The following INTS9 variants were observed in gnomAD, a reference collection of about 807,000 sequenced individuals.
The protein encoded by INTS9 is integrator complex subunit 9.
In INTS9, 55 loss-of-function variants were observed where a neutral mutation model predicts 79.7. The observed-to-expected ratio is 0.69, with a 90% CI of 0.56 to 0.86. The LOEUF (loss-of-function observed/expected upper bound fraction) is 0.86. INTS9 is among the 40% of genes least tolerant of loss of function. The pLI, the probability that INTS9 is intolerant of heterozygous loss-of-function variation, is 0.00. For missense variants in INTS9, 721 were observed against 831.5 expected (o/e 0.87, Z 1.64); for synonymous variants, 319 against 325.2 (o/e 0.98, Z 0.20).
intron 6 of INTS9, among the ~76,000 whole-genome samples, chr8:28,816,518 G>A (rs1805493076): frequency 1.3e-5 from 2 of 150,140 alleles, no homozygotes; most frequent in Admixed American, 1.3e-4. Context: ...ATTCCATGGT[G>A]TATATGTGCC....
At chr8:28,863,341 T>C (rs1808557619) in intron 1 of INTS9, among the ~76,000 whole-genome samples, 1 of 152,202 alleles carries the variant, frequency 6.6e-6, no homozygotes, top group East Asian at 1.9e-4. Flanking sequence ...GCTACAAGTT[T>C]TTCTGTGATC....
chr8:28,843,834 C>T (rs145507261), intron 4 of INTS9, among the ~76,000 whole-genome samples: 64 of 151,840 alleles, frequency 4.2e-4, no homozygotes, highest in Middle Eastern at 3.4e-3. Flanking sequence ...TTTCAATCTA[C>T]ATATCAGGCA....
intron 12 of INTS9, 125 bp from the exon 13 acceptor site, chr8:28,778,078 C>G (rs943274150): frequency 9.4e-7 from 1 of 1,064,558 alleles, no homozygotes; most frequent in Non-Finnish European, 1.3e-6. Flanking sequence ...AGGAAGCACA[C>G]GTGGGGGACG....
intron 8 of INTS9, among the ~76,000 whole-genome samples, chr8:28,807,631 A>G (rs1804883178): frequency 6.6e-6 from 1 of 152,228 alleles, no homozygotes; most frequent in South Asian, 2.1e-4. Context: ...GAGAGAAATC[A>G]AAGTTGATCT....
chr8:28,862,140 C>T (rs1031093517), intron 1 of INTS9: 3 of 985,418 alleles, frequency 3.0e-6, no homozygotes, highest in East Asian at 1.1e-4. Context: ...TGGCCTCCAG[C>T]GATGCTCTTT....
intron 11 of INTS9, 27 bp downstream of exon 11, chr8:28,787,802 C>A: frequency 6.4e-7 from 1 of 1,556,780 alleles, no homozygotes; most frequent in Non-Finnish European, 8.9e-7. Context: ...GCTTCCTTCC[C>A]ATGTCCCAGT....
intron 13 of INTS9, among the ~76,000 whole-genome samples, chr8:28,777,301 G>A (rs1802943972): frequency 6.6e-6 from 1 of 152,170 alleles, no homozygotes; most frequent in Non-Finnish European, 1.5e-5. Context: ...GGCTGAGCCA[G>A]CACAGTGGTT....
chr8:28,820,296 GTTCCT>G (rs937020261), intron 6 of INTS9, among the ~76,000 whole-genome samples: 3 of 152,198 alleles, frequency 2.0e-5, no homozygotes, highest in Admixed American at 6.5e-5. Context: ...GGTACCAGTT[GTTCCT>G]TTCCATGTTT....
chr8:28,835,756 G>A lies in INTS9; in HGVS notation c.402-378C>T, dbSNP rs573192070. Among the ~76,000 whole-genome samples the A allele has an allele frequency of 2.9e-3, 440 of 151,800 alleles. 5 individuals carry two copies. The Middle Eastern group carries it at 0.045, about 16-fold the overall frequency. ...AATGACTGTCAGGTATCTAATTTTG[G>A]TGACGTAGTAGGGTGTGGGCAGGAC... On this transcript the variant is annotated intron_variant, in intron 5 of 16. Coordinates refer to ENST00000521022, the MANE Select transcript of INTS9 (RefSeq NM_018250.4).
intron 8 of INTS9, among the ~76,000 whole-genome samples, chr8:28,809,837 G>A (rs763695280): frequency 3.3e-5 from 5 of 152,120 alleles, no homozygotes; most frequent in African/African-American, 9.7e-5. Flanking sequence ...AAATAGCAAC[G>A]TCCCCTCTAG....
At chr8:28,772,606 G>T (rs774057749) in intron 14 of INTS9, among the ~76,000 whole-genome samples, 9 of 152,020 alleles carry the variant, frequency 5.9e-5, no homozygotes, top group Non-Finnish European at 1.0e-4. Flanking sequence ...AGGAGATCAA[G>T]ACCATCCTGG....
intron 6 of INTS9, among the ~76,000 whole-genome samples, chr8:28,826,545 C>T (rs1264333330): frequency 6.6e-6 from 1 of 152,180 alleles, no homozygotes; most frequent in Non-Finnish European, 1.5e-5. Flanking sequence ...CAAGTGACCC[C>T]TACCCACAGG....
rs1162830078 is a variant in INTS9, at chr8:28,817,749, G to A, written c.489-4137C>T. Among the ~76,000 whole-genome samples the A allele has an allele frequency of 1.5e-4, 18 of 118,876 alleles. No individual in the cohort carries two copies. In the East Asian group the frequency reaches 3.9e-3, roughly 26 times the overall value. 78.0% of individuals were successfully genotyped at this position (118,876 alleles called of 152,430 possible). On this transcript the variant is annotated intron_variant, in intron 6 of 16. Coordinates refer to ENST00000521022, the MANE Select transcript of INTS9 (RefSeq NM_018250.4). ...GAATCTATAAATTACCTTGGGCAGT[G>A]TGGCCATTTTAACGATACTGATTCT...
intron 15 of INTS9, among the ~76,000 whole-genome samples, chr8:28,770,766 G>A (rs935716362): frequency 2.0e-5 from 3 of 152,200 alleles, no homozygotes; most frequent in Non-Finnish European, 4.4e-5. Context: ...GCCCTGCCTC[G>A]CGTGGCAGCG....
chr8:28,817,706 C>T (rs988242272), intron 6 of INTS9, among the ~76,000 whole-genome samples: 16 of 148,466 alleles, frequency 1.1e-4, no homozygotes, highest in African/African-American at 3.8e-4. Context: ...TCATTGGTAG[C>T]TTGATGGGGA....
At chr8:28,784,217 A>G (rs2130911913) in intron 11 of INTS9, among the ~76,000 whole-genome samples, 1 of 152,306 alleles carries the variant, frequency 6.6e-6, no homozygotes, top group South Asian at 2.1e-4. Context: ...ACCACAGTCT[A>G]CTCACATTCC....
chr8:28,856,096 T>C (rs1193935813), intron 2 of INTS9, among the ~76,000 whole-genome samples: 1 of 152,124 alleles, frequency 6.6e-6, no homozygotes, highest in Non-Finnish European at 1.5e-5. Flanking sequence ...AGGGTCAAGA[T>C]GAGAATTGAT....
chr8:28,824,396 G>C (rs1207342191), intron 6 of INTS9, among the ~76,000 whole-genome samples: 1 of 152,200 alleles, frequency 6.6e-6, no homozygotes, highest in Non-Finnish European at 1.5e-5. Context: ...GCTTCTGCCT[G>C]TACTGTCTAT....
chr8:28,881,545 GC>G (rs1809812970), intron 1 of INTS9, among the ~76,000 whole-genome samples: 1 of 117,502 alleles, frequency 8.5e-6, no homozygotes, highest in Admixed American at 8.1e-5. Context: ...TCAGCCCCCC[GC>G]CCGGCCAGCC....
Sources: allele counts gnomAD v4.1 joint callset (sites outside exome capture counted in the v4.1 genomes callset), GRCh38; gene constraint gnomAD v4.1.1; transcripts MANE v1.5; gene names NCBI Gene and HGNC (gene_info 2026-07-23, HGNC 2026-07-21).